CABIN1: variants seen among roughly 807,000 people sequenced by gnomAD.
CABIN1 encodes calcineurin binding protein 1.
In CABIN1, 133 loss-of-function variants were observed where a neutral mutation model predicts 227.7. The ratio of observed to expected loss-of-function variants is 0.58; its 90% CI spans 0.51 to 0.67. The LOEUF is 0.67. CABIN1 is among the 30% of genes least tolerant of loss of function. CABIN1 has a pLI of 0.00. For synonymous variants in CABIN1, 1,086 were observed against 1,155.1 expected, an observed-to-expected ratio of 0.94 and a Z score of 1.21; for missense variants, 2,408 against 2,852.5, an observed-to-expected ratio of 0.84 and a Z score of 3.55.
chr22:24,032,244 T>A (rs998400722), intron 1 of CABIN1, among the ~76,000 whole-genome samples: 2 of 152,260 alleles, frequency 1.3e-5, no homozygotes, highest in African/African-American at 4.8e-5. Flanking sequence ...ATATAATATT[T>A]GTTCTTTTGT....
intron 29 of CABIN1, among the ~76,000 whole-genome samples, chr22:24,138,517 C>T (rs780178972): frequency 6.6e-6 from 1 of 152,214 alleles, no homozygotes; most frequent in African/African-American, 2.4e-5. Flanking sequence ...TCTGGGCCTC[C>T]GAAATGTCTA....
chr22:24,104,641 A>G (rs2042409880), intron 26 of CABIN1, among the ~76,000 whole-genome samples: 1 of 152,118 alleles, frequency 6.6e-6, no homozygotes, highest in Admixed American at 6.5e-5. Context: ...GGTTTCTGGT[A>G]CCACTTTTCT....
Position 24,143,772 on chromosome 22 carries a change from A to G in CABIN1, c.4746+9357A>G, listed in dbSNP as rs556157157. Among the ~76,000 whole-genome samples, 10 of 152,302 alleles carry G rather than the reference A, an allele frequency of 6.6e-5. No homozygotes were observed. The East Asian group carries it at 1.9e-3, about 29-fold the overall frequency. On this transcript the variant is annotated intron_variant, in intron 29 of 36. Coordinates refer to ENST00000263119, the MANE Select transcript of CABIN1 (RefSeq NM_012295.4). Reference sequence around the variant, plus strand: ...ATCATCCTCATTGTACAGACGGGGAAGTTGTTACCAATAGGCTCTGCAGGC... The same window carrying G: ...ATCATCCTCATTGTACAGACGGGGAGGTTGTTACCAATAGGCTCTGCAGGC...
At chr22:24,034,178 C>A (rs564365923) in intron 1 of CABIN1, among the ~76,000 whole-genome samples, 6 of 152,358 alleles carry the variant, frequency 3.9e-5, no homozygotes, top group African/African-American at 1.4e-4. Context: ...AGGCAGAGTT[C>A]AGGCAGTAAT....
chr22:24,026,872 T>C (rs959572050), intron 1 of CABIN1, among the ~76,000 whole-genome samples: 8 of 152,246 alleles, frequency 5.3e-5, no homozygotes, highest in African/African-American at 1.9e-4. Flanking sequence ...AGTACCTCTC[T>C]GGCCTTCCAT....
intron 23 of CABIN1, among the ~76,000 whole-genome samples, chr22:24,087,915 G>T (rs1472911494): frequency 2.2e-5 from 3 of 135,934 alleles, no homozygotes; most frequent in African/African-American, 9.8e-5. Context: ...ACCCAGTCTA[G>T]TGTAGACAAA....
chr22:24,134,423 C>G lies in CABIN1; in HGVS notation c.4746+8C>G, dbSNP rs1851397081. On this transcript the variant is annotated splice_region_variant and intron_variant, in intron 29 of 36. Transcript: ENST00000263119. Reference sequence around the variant, plus strand: ...AAGACCAATTTCTTCAACGTGAGTACTTTGCCTTGTTGATTTCCAAGGCTG... The same window carrying G: ...AAGACCAATTTCTTCAACGTGAGTAGTTTGCCTTGTTGATTTCCAAGGCTG... 4 of 1,604,842 alleles carry G rather than the reference C, an allele frequency of 2.5e-6. No individual in the cohort carries two copies. Among genetic ancestry groups the G allele is most frequent in the African/African-American group, 1.3e-5 (1 of 74,718 alleles).
At chr22:24,138,250 G>A (rs1332014827) in intron 29 of CABIN1, among the ~76,000 whole-genome samples, 1 of 152,186 alleles carries the variant, frequency 6.6e-6, no homozygotes, top group African/African-American at 2.4e-5. Flanking sequence ...GAAGACTTCT[G>A]TGACCAAATG....
intron 4 of CABIN1, among the ~76,000 whole-genome samples, chr22:24,040,922 T>G (rs2147075336): frequency 6.6e-6 from 1 of 152,302 alleles, no homozygotes; most frequent in South Asian, 2.1e-4. Context: ...CTCTGCAAAC[T>G]ATTAATACCT....
At chr22:24,169,970 T>G (rs2046694323) in intron 33 of CABIN1, among the ~76,000 whole-genome samples, 1 of 152,056 alleles carries the variant, frequency 6.6e-6, no homozygotes, top group South Asian at 2.1e-4. Flanking sequence ...GCCTGGGTTA[T>G]GGGGGTGGCC....
intron 29 of CABIN1, among the ~76,000 whole-genome samples, chr22:24,153,570 TG>T (rs2045614742): frequency 6.6e-6 from 1 of 151,996 alleles, no homozygotes; most frequent in South Asian, 2.1e-4. Context: ...AAGCACTTCC[TG>T]GGGGGTTGGG....
rs542633831 is a variant in CABIN1 at position 24,079,870 on chromosome 22, A to G, written c.2749-3358A>G. On this transcript the variant is annotated intron_variant, in intron 19 of 36. Coordinates refer to ENST00000263119, the MANE Select transcript of CABIN1 (RefSeq NM_012295.4). ...ATATTGTGTCTGTGTGCTTAGTTCT[A>G]TTTCTATTTCTGTGCACCTTTATGT... 7.2e-5 allele frequency among the ~76,000 whole-genome samples: 11 copies of G among 151,930 alleles called. No homozygotes were observed. In the East Asian group the frequency reaches 1.5e-3, roughly 21 times the overall value.
intron 35 of CABIN1, 54 bp downstream of exon 35, chr22:24,176,329 C>A (rs1037837698): frequency 6.5e-7 from 1 of 1,549,096 alleles, no homozygotes; most frequent in Non-Finnish European, 8.7e-7. Context: ...TGCCTCACAG[C>A]TGGCAGCCAG....
At chr22:24,044,234 C>A (rs1231814143) in intron 6 of CABIN1, among the ~76,000 whole-genome samples, 1 of 152,208 alleles carries the variant, frequency 6.6e-6, no homozygotes, top group Non-Finnish European at 1.5e-5. Context: ...ATGGGAGTGG[C>A]GGCTCAGATG....
At chr22:24,169,864 G>T (rs2046687657) in intron 33 of CABIN1, among the ~76,000 whole-genome samples, 1 of 152,246 alleles carries the variant, frequency 6.6e-6, no homozygotes, top group Admixed American at 6.5e-5. Context: ...CAGGAGCCAG[G>T]GCTGGGCCAG....
intron 29 of CABIN1, among the ~76,000 whole-genome samples, chr22:24,148,103 CT>C (rs1394018954): frequency 6.6e-6 from 1 of 152,172 alleles, no homozygotes; most frequent in East Asian, 1.9e-4. Flanking sequence ...AAGTTTCCCT[CT>C]TGAGAGAAGA....
intron 15 of CABIN1, among the ~76,000 whole-genome samples, chr22:24,066,408 A>T (rs550365586): frequency 4.8e-4 from 73 of 152,242 alleles, no homozygotes; most frequent in Non-Finnish European, 9.3e-4. Flanking sequence ...TGTGTGGCCT[A>T]TATGCCAAGT....
At chr22:24,029,520 G>A (rs954917182) in intron 1 of CABIN1, among the ~76,000 whole-genome samples, 3 of 151,956 alleles carry the variant, frequency 2.0e-5, no homozygotes, top group African/African-American at 7.3e-5. Context: ...TTGTGCCACT[G>A]CACTCCAGCC....
intron 29 of CABIN1, among the ~76,000 whole-genome samples, chr22:24,164,082 G>A (rs1288443971): frequency 1.3e-5 from 2 of 152,228 alleles, no homozygotes; most frequent in Non-Finnish European, 2.9e-5. Flanking sequence ...GCCTCTCACT[G>A]TCTGTCCTCA....
Sources: gnomAD v4.1 joint callset for allele counts (sites outside exome capture counted in the v4.1 genomes callset) on GRCh38, gnomAD v4.1.1 for gene constraint, MANE v1.5 for transcripts, NCBI Gene and HGNC (gene_info 2026-07-23, HGNC 2026-07-21) for gene names.